Variants in MAGI2 observed in about 807,000 individuals in gnomAD.
MAGI2 encodes the protein membrane-associated guanylate kinase, WW and PDZ domain-containing protein 2.
Under a neutral mutation model 133.3 loss-of-function variants are expected in MAGI2, and 35 were observed. That is an observed-to-expected ratio of 0.26 (90% CI 0.20 to 0.35). The LOEUF is 0.35. Among genes scored for constraint, MAGI2 ranks in the 10% least tolerant of loss-of-function variants. The probability of loss-of-function intolerance (pLI) is 1.00; values close to 1 mark genes in which losing one functional copy is unlikely to be tolerated. For missense variants in MAGI2, 1,636 were observed against 1,863.4 expected (o/e 0.88, Z 2.25); for synonymous variants, 729 against 710.6 (o/e 1.03, Z -0.41).
At chr7:78,249,247 C>T (rs1792124155) in intron 10 of MAGI2, among the ~76,000 whole-genome samples, 2 of 152,032 alleles carry the variant, frequency 1.3e-5, no homozygotes, top group Admixed American at 1.3e-4. Context: ...AAAGGGAACC[C>T]TTGCACACTG....
intron 2 of MAGI2, among the ~76,000 whole-genome samples, chr7:78,917,072 T>G (rs1798860750): frequency 6.6e-6 from 1 of 152,072 alleles, no homozygotes; most frequent in African/African-American, 2.4e-5. Context: ...TTACTTAGTC[T>G]AAAAAAATTA....
intron 5 of MAGI2, among the ~76,000 whole-genome samples, chr7:78,495,992 G>A (rs1319810521): frequency 6.6e-6 from 1 of 152,160 alleles, no homozygotes; most frequent in East Asian, 1.9e-4. Flanking sequence ...TATAGAATGA[G>A]AAAGTATATT....
intron 11 of MAGI2, among the ~76,000 whole-genome samples, chr7:78,196,456 C>T (rs1252730757): frequency 6.6e-6 from 1 of 152,196 alleles, no homozygotes; most frequent in Non-Finnish European, 1.5e-5. Context: ...TTTTGATATA[C>T]ACTACATTGA....
intron 2 of MAGI2, among the ~76,000 whole-genome samples, chr7:78,880,990 G>T (rs937612821): frequency 3.9e-5 from 6 of 152,142 alleles, no homozygotes; most frequent in Admixed American, 2.0e-4. Flanking sequence ...CTTATATAAA[G>T]ATCAAGGGTT....
intron 1 of MAGI2, among the ~76,000 whole-genome samples, chr7:79,259,616 T>C (rs890248843): frequency 2.0e-5 from 3 of 152,188 alleles, no homozygotes; most frequent in Non-Finnish European, 4.4e-5. Flanking sequence ...TACCAAATAA[T>C]CAAGATAACA....
intron 2 of MAGI2, among the ~76,000 whole-genome samples, chr7:78,791,781 C>T (rs1333651668): frequency 6.6e-6 from 1 of 152,040 alleles, no homozygotes; most frequent in Non-Finnish European, 1.5e-5. Context: ...AACTCCTGAC[C>T]TCAAGTGATC....
chr7:79,370,230 G>T (rs1842967632), intron 1 of MAGI2, among the ~76,000 whole-genome samples: 2 of 151,794 alleles, frequency 1.3e-5, no homozygotes, highest in Non-Finnish European at 2.9e-5. Flanking sequence ...AAATATAGAT[G>T]GTTATTAAAT....
chr7:79,324,229 C>A (rs542429458), intron 1 of MAGI2, among the ~76,000 whole-genome samples: 23 of 151,744 alleles, frequency 1.5e-4, no homozygotes, highest in Non-Finnish European at 2.9e-4. Flanking sequence ...ATGCTAATCT[C>A]TGTTTTGTTC....
intron 1 of MAGI2, among the ~76,000 whole-genome samples, chr7:79,338,724 T>C (rs1270573111): frequency 6.6e-6 from 1 of 152,126 alleles, no homozygotes; most frequent in Admixed American, 6.6e-5. Flanking sequence ...CCATGTTAAA[T>C]GTTGTAACAT....
intron 1 of MAGI2, among the ~76,000 whole-genome samples, chr7:79,136,937 C>T (rs551389668): frequency 4.3e-4 from 66 of 152,244 alleles, no homozygotes; most frequent in Non-Finnish European, 7.8e-4. Context: ...TCCCATTGGT[C>T]CCAGGGGTCC....
intron 1 of MAGI2, among the ~76,000 whole-genome samples, chr7:79,092,461 G>A (rs1330092687): frequency 6.6e-6 from 1 of 152,100 alleles, no homozygotes; most frequent in Non-Finnish European, 1.5e-5. Flanking sequence ...CAAACCTATA[G>A]AAATGATTAA....
chr7:78,173,807 A>G (rs1320970918), intron 14 of MAGI2, among the ~76,000 whole-genome samples: 1 of 152,174 alleles, frequency 6.6e-6, no homozygotes, highest in Non-Finnish European at 1.5e-5. Context: ...ACAGGCATAC[A>G]GGAGTTTTGG....
intron 1 of MAGI2, among the ~76,000 whole-genome samples, chr7:79,041,305 A>T (rs1414180101): frequency 6.6e-6 from 1 of 152,200 alleles, no homozygotes; most frequent in Non-Finnish European, 1.5e-5. Context: ...TCTTTTCTGA[A>T]ATATGTATAA....
chr7:79,387,101 T>A (rs983473711), intron 1 of MAGI2, among the ~76,000 whole-genome samples: 7 of 150,150 alleles, frequency 4.7e-5, no homozygotes, highest in African/African-American at 1.7e-4. Flanking sequence ...TGCTTGTGTG[T>A]GTGTGTGTGT....
intron 10 of MAGI2, among the ~76,000 whole-genome samples, chr7:78,241,445 C>T (rs1791127209): frequency 6.6e-6 from 1 of 152,050 alleles, no homozygotes; most frequent in Admixed American, 6.6e-5. Context: ...GGTATCTTGT[C>T]ATTGATATTT....
At chr7:78,598,971 C>G (rs112309987) in intron 3 of MAGI2, among the ~76,000 whole-genome samples, 1 of 151,934 alleles carries the variant, frequency 6.6e-6, no homozygotes, top group Non-Finnish European at 1.5e-5. Flanking sequence ...ATTGGATTCA[C>G]GGGTTTGGAG....
At chr7:78,217,747 T>A (rs1788412855) in intron 10 of MAGI2, among the ~76,000 whole-genome samples, 1 of 152,216 alleles carries the variant, frequency 6.6e-6, no homozygotes, top group Admixed American at 6.5e-5. Flanking sequence ...GCAGACTAGT[T>A]ACTTGCCATG....
chr7:78,405,426 AT>A (rs754031985), intron 6 of MAGI2, among the ~76,000 whole-genome samples: 6 of 152,096 alleles, frequency 3.9e-5, no homozygotes, highest in Non-Finnish European at 7.4e-5. Context: ...AGTAAGCTTC[AT>A]TTGATTTTAA....
intron 1 of MAGI2, among the ~76,000 whole-genome samples, chr7:79,433,552 CAA>C (rs201784348): frequency 3.4e-5 from 4 of 118,628 alleles, no homozygotes; most frequent in Non-Finnish European, 1.8e-5. Context: ...GACTCTGTCT[CAA>C]AAAAAAAAAA....
Sources: gnomAD v4.1 joint callset for allele counts (sites outside exome capture counted in the v4.1 genomes callset) on GRCh38, gnomAD v4.1.1 for gene constraint, MANE v1.5 for transcripts, NCBI Gene and HGNC (gene_info 2026-07-23, HGNC 2026-07-21) for gene names.